Variants in BYSL observed in about 807,000 individuals in gnomAD.
BYSL encodes the protein bystin.
BYSL carries 21 observed loss-of-function variants against 45.4 expected under a neutral mutation model. The observed-to-expected ratio is 0.46, with a 90% CI of 0.33 to 0.67. The LOEUF is 0.67. BYSL is among the 30% of genes least tolerant of loss of function. The pLI, the probability that BYSL is intolerant of heterozygous loss-of-function variation, is 0.02. For missense variants in BYSL, 522 were observed against 578.5 expected, an observed-to-expected ratio of 0.90 and a Z score of 1.00; for synonymous variants, 215 against 231.3, an observed-to-expected ratio of 0.93 and a Z score of 0.64.
chr6:41,927,710 AC>A (rs1775583382), intron 2 of BYSL, 174 bp downstream of exon 2: 2 of 686,102 alleles, frequency 2.9e-6, no homozygotes, highest in African/African-American at 3.6e-5. Flanking sequence ...AGTAGGAATG[AC>A]CCAGCCTCAA....
At chr6:41,922,553 T>TCAA (rs1775500437) in intron 1 of BYSL, among the ~76,000 whole-genome samples, 1 of 152,216 alleles carries the variant, frequency 6.6e-6, no homozygotes. Flanking sequence ...TTCTAAGACA[T>TCAA]CAACACTCCT....
At chr6:41,931,702 A>C in intron 5 of BYSL, 26 bp from the exon 6 acceptor site, 1 of 1,610,680 alleles carries the variant, frequency 6.2e-7, no homozygotes, top group Non-Finnish European at 8.5e-7. Context: ...CTGGGCTCAC[A>C]GTGGCTGCCC....
intron 2 of BYSL, among the ~76,000 whole-genome samples, chr6:41,928,021 A>G (rs1775587977): frequency 6.6e-6 from 1 of 152,148 alleles, no homozygotes; most frequent in East Asian, 1.9e-4. Flanking sequence ...CTCTACTTCT[A>G]GACTCCAGTA....
At chr6:41,915,098 A>G in the BYSL span, among the ~76,000 whole-genome samples, 3 of 152,240 alleles carry the variant, frequency 2.0e-5, no homozygotes, top group Non-Finnish European at 4.4e-5. Context: ...ATTAACCCTG[A>G]GAAACACTGC....
the BYSL span, among the ~76,000 whole-genome samples, chr6:41,914,342 C>G: frequency 6.6e-6 from 1 of 152,276 alleles, no homozygotes; most frequent in African/African-American, 2.4e-5. Context: ...TTCTCTGGTG[C>G]CTCTCAATAA....
At chr6:41,928,146 T>C (rs1204808151) in intron 2 of BYSL, among the ~76,000 whole-genome samples, 1 of 152,212 alleles carries the variant, frequency 6.6e-6, no homozygotes, top group Non-Finnish European at 1.5e-5. Context: ...CTATAATAAA[T>C]GCTAGCTCCA....
chr6:41,923,915 G>A (rs1775527483), intron 1 of BYSL, among the ~76,000 whole-genome samples: 1 of 152,096 alleles, frequency 6.6e-6, no homozygotes, highest in Admixed American at 6.5e-5. Context: ...GTTTGGCCTG[G>A]TTGTTCCTTC....
At chr6:41,929,703 T>C (rs1210515835) in intron 2 of BYSL, among the ~76,000 whole-genome samples, 1 of 152,218 alleles carries the variant, frequency 6.6e-6, no homozygotes, top group East Asian at 1.9e-4. Flanking sequence ...TTCCAAGTAA[T>C]GAACAGACAT....
intron 2 of BYSL, 49 bp downstream of exon 2, chr6:41,927,585 G>A (rs1383078270): frequency 1.9e-6 from 3 of 1,597,890 alleles, no homozygotes; most frequent in South Asian, 2.2e-5. Flanking sequence ...AGTTCCCACA[G>A]GAAAACAAGT....
rs188887936 is a variant in BYSL, at chr6:41,923,748, T to G, written c.268+1918T>G. ...CTGCACCCTGCCGTGTCTCATACTC[T>G]CTACAAAGTACTCACAGGTGGGGGA... On this transcript the variant is annotated intron_variant, in intron 1 of 6. Transcript: ENST00000230340. 6.3e-3 allele frequency among the ~76,000 whole-genome samples: 958 copies of G among 152,268 alleles called. 8 individuals carry two copies. The highest frequency in any genetic ancestry group is 0.02 in the African/African-American group (837 of 41,548).
At chr6:41,918,206 T>A (rs1039085582), upstream of BYSL, among the ~76,000 whole-genome samples, 4 of 152,244 alleles carry the variant, frequency 2.6e-5, no homozygotes, top group African/African-American at 9.6e-5. Context: ...TATCAACTTG[T>A]TACAAATGAG....
chr6:41,931,830 G>C lies in BYSL; in HGVS notation c.968G>C (p.Ser323Thr). The change falls in exon 6 of 7, where the codon AGT becomes ACT. Residue 323 changes from serine (S) to threonine (T), a missense_variant and splice_region_variant. Physicochemically the swap from Ser to Thr is moderately conservative, Grantham distance 58. Transcript: ENST00000230340. The part of the protein sequence containing the change: ...TKCSIPVLHS[S>T]AAMLKIAEME... The stretch of plus-strand genomic sequence containing the variant: ...TGCTCCATCCCTGTGTTGCACTCCA[G>C]GTAGTATTGCTGGGGGTGGAAGGGG... The C allele has an allele frequency of 6.2e-7, 1 of 1,612,352 alleles. No individual in the cohort carries two copies. Among genetic ancestry groups the C allele is most frequent in the Non-Finnish European group, 8.5e-7 (1 of 1,178,418 alleles).
the BYSL span, among the ~76,000 whole-genome samples, chr6:41,915,009 GCAGT>G: frequency 6.6e-6 from 1 of 152,218 alleles, no homozygotes; most frequent in Non-Finnish European, 1.5e-5. Context: ...GCCTACAGCA[GCAGT>G]CAATCAGTAA....
At chr6:41,911,168 T>TG in the BYSL span, among the ~76,000 whole-genome samples, 2 of 151,070 alleles carry the variant, frequency 1.3e-5, no homozygotes, top group Non-Finnish European at 3.0e-5. Flanking sequence ...TTTTTTTTTT[T>TG]GAGACAGAGT....
intron 4 of BYSL, among the ~76,000 whole-genome samples, 193 bp downstream of exon 4, chr6:41,930,961 G>T (rs528535614): frequency 6.6e-6 from 1 of 152,314 alleles, no homozygotes; most frequent in African/African-American, 2.4e-5. Flanking sequence ...TAGCCAGTTA[G>T]GAACCCTCCG....
At chr6:41,918,904 G>C (rs1171388619), upstream of BYSL, among the ~76,000 whole-genome samples, 1 of 142,592 alleles carries the variant, frequency 7.0e-6, no homozygotes. Context: ...CCGAGATTGC[G>C]CCACTGCAGT....
upstream of BYSL, chr6:41,917,333 G>A (rs9462754): frequency 5.9e-3 from 1,015 of 171,622 alleles, 8 homozygotes; most frequent in African/African-American, 0.021. Flanking sequence ...CCGGGAGGCC[G>A]AGACTGCAGT....
At chr6:41,908,814 G>C in the BYSL span, 2 of 164,724 alleles carry the variant, frequency 1.2e-5, no homozygotes, top group Non-Finnish European at 2.6e-5. Context: ...ATTAAAGAAA[G>C]GATAAAAGAT....
the BYSL span, among the ~76,000 whole-genome samples, chr6:41,910,613 C>G: frequency 7.2e-6 from 1 of 139,470 alleles, no homozygotes; most frequent in East Asian, 2.1e-4. Flanking sequence ...GTCTGGGCAA[C>G]AGAGCAATAC....
Sources: gnomAD v4.1 joint callset for allele counts (sites outside exome capture counted in the v4.1 genomes callset) on GRCh38, gnomAD v4.1.1 for gene constraint, MANE v1.5 for transcripts, NCBI Gene and HGNC (gene_info 2026-07-23, HGNC 2026-07-21) for gene names.